COMMD1: variants seen among roughly 807,000 people sequenced by gnomAD.
The protein encoded by COMMD1 is COMM domain-containing protein 1.
Under a neutral mutation model 17.2 loss-of-function variants are expected in COMMD1, and 10 were observed. That is an observed-to-expected ratio of 0.58 (90% CI 0.36 to 0.99). COMMD1 has a LOEUF of 0.99. COMMD1 is among the 50% of genes least tolerant of loss of function. COMMD1 has a pLI of 0.01. For missense variants in COMMD1, 270 were observed against 231.8 expected (o/e 1.17, Z -1.07); for synonymous variants, 97 against 91.6 (o/e 1.06, Z -0.34).
intron 1 of COMMD1, among the ~76,000 whole-genome samples, chr2:62,000,343 G>A (rs571180078): frequency 6.6e-6 from 1 of 150,540 alleles, no homozygotes. Flanking sequence ...CGCAATTTTG[G>A]CTCACTGCAG....
intron 2 of COMMD1, among the ~76,000 whole-genome samples, chr2:62,078,585 G>A (rs145107415): frequency 3.0e-4 from 44 of 146,926 alleles, no homozygotes; most frequent in Non-Finnish European, 4.9e-4. Flanking sequence ...AAAAAATGGT[G>A]GGGCCAGGCA....
At chr2:61,889,584 A>G (rs1027108918) in intron 1 of COMMD1, among the ~76,000 whole-genome samples, 1 of 151,970 alleles carries the variant, frequency 6.6e-6, no homozygotes, top group Non-Finnish European at 1.5e-5. Flanking sequence ...TCTCTAAGGG[A>G]TATGACTGAG....
At chr2:62,104,057 T>C (rs1388300824) in intron 2 of COMMD1, among the ~76,000 whole-genome samples, 1 of 152,050 alleles carries the variant, frequency 6.6e-6, no homozygotes, top group Non-Finnish European at 1.5e-5. Context: ...CCCAGGCTGG[T>C]CTTGTACTCC....
intron 2 of COMMD1, among the ~76,000 whole-genome samples, chr2:62,036,790 A>G (rs1476281227): frequency 1.3e-5 from 2 of 152,372 alleles, no homozygotes; most frequent in Non-Finnish European, 1.5e-5. Flanking sequence ...ATTTTCAAAG[A>G]TAAACTAAAA....
chr2:61,945,652 C>G (rs1283342203), intron 1 of COMMD1, among the ~76,000 whole-genome samples: 2 of 152,114 alleles, frequency 1.3e-5, no homozygotes, highest in East Asian at 3.9e-4. Flanking sequence ...TGACATGTGC[C>G]CAGGGTGGTC....
intron 2 of COMMD1, among the ~76,000 whole-genome samples, chr2:62,129,867 G>A (rs2104097737): frequency 6.6e-6 from 1 of 152,318 alleles, no homozygotes; most frequent in South Asian, 2.1e-4. Context: ...TATGGCCAAA[G>A]TTTGTGCTCA....
intron 2 of COMMD1, among the ~76,000 whole-genome samples, chr2:62,053,707 G>A (rs961785003): frequency 1.3e-5 from 2 of 152,164 alleles, no homozygotes; most frequent in African/African-American, 4.8e-5. Flanking sequence ...ATACCACATT[G>A]ATGTCACACC....
At chr2:62,088,717 C>T (rs897326770) in intron 2 of COMMD1, among the ~76,000 whole-genome samples, 2 of 152,250 alleles carry the variant, frequency 1.3e-5, no homozygotes, top group East Asian at 1.9e-4. Context: ...TAATGATGTC[C>T]ACGAAAAGAG....
intron 1 of COMMD1, among the ~76,000 whole-genome samples, chr2:61,889,870 A>C (rs144766984): frequency 3.1e-3 from 471 of 152,318 alleles, no homozygotes; most frequent in African/African-American, 0.01. Context: ...TGCTAAGCAC[A>C]GTGCTAAACC....
upstream of COMMD1, chr2:61,905,652 T>G (rs1440058192): frequency 2.6e-6 from 4 of 1,523,124 alleles, no homozygotes; most frequent in Non-Finnish European, 3.5e-6. Context: ...ACGGCTCAGC[T>G]GTTGCGGGGC....
At position 62,087,905 on chromosome 2, in the gene COMMD1, A is replaced by G. The variant is rs148229659; in HGVS notation, c.463-47926A>G. ...CTCAAAATTCATTAAAATGTAGTCTATACTCACTGTCTCTACTTTTTCACT... is the reference window on the plus strand; with the variant it reads ...CTCAAAATTCATTAAAATGTAGTCTGTACTCACTGTCTCTACTTTTTCACT... On this transcript the variant is annotated intron_variant, in intron 2 of 2. Transcript: ENST00000311832. Among the ~76,000 whole-genome samples, 22 of 152,316 alleles carry G rather than the reference A, an allele frequency of 1.4e-4. 1 individual carries two copies. Among genetic ancestry groups the G allele is most frequent in the Middle Eastern group, 6.8e-3 (2 of 292 alleles).
chr2:62,104,633 C>CAAA lies in COMMD1; in HGVS notation c.463-31179_463-31177dup, dbSNP rs35679940. Among the ~76,000 whole-genome samples the CAAA allele has an allele frequency of 1.6e-3, 123 of 76,620 alleles. 1 individual carries two copies. Among genetic ancestry groups the CAAA allele is most frequent in the African/African-American group, 5.2e-3 (102 of 19,596 alleles). 50.3% of individuals were successfully genotyped at this position (76,620 alleles called of 152,430 possible). On this transcript the variant is annotated intron_variant, in intron 2 of 2. Coordinates refer to ENST00000311832, the MANE Select transcript of COMMD1 (RefSeq NM_152516.4). ...TGGGCAACAGAGTGAGACTCCGTCTCAAAAAAAAAAAAAAAAAAAAACAAT... is the reference window on the plus strand; with the variant it reads ...TGGGCAACAGAGTGAGACTCCGTCTCAAAAAAAAAAAAAAAAAAAAAAAACAAT...
At chr2:62,126,855 C>A (rs1488678629) in intron 2 of COMMD1, among the ~76,000 whole-genome samples, 1 of 152,142 alleles carries the variant, frequency 6.6e-6, no homozygotes, top group African/African-American at 2.4e-5. Context: ...TCCTATTCAA[C>A]ATAGTATTGA....
At position 61,928,479 on chromosome 2, in the gene COMMD1, C is replaced by G. The variant is rs922581569; in HGVS notation, c.180+22621C>G. On this transcript the variant is annotated intron_variant, in intron 1 of 2. Transcript: ENST00000311832. ...CCCGGCCCAGGGAGCTATTTAATAT[C>G]TATTTTCAGTATCCTAAAGAGCTAA... 2.0e-5 allele frequency among the ~76,000 whole-genome samples: 3 copies of G among 152,128 alleles called. No homozygotes were observed. In the South Asian group the frequency reaches 6.2e-4, roughly 32 times the overall value.
upstream of COMMD1, among the ~76,000 whole-genome samples, chr2:61,904,807 A>T (rs1312606072): frequency 6.6e-6 from 1 of 152,172 alleles, no homozygotes; most frequent in Non-Finnish European, 1.5e-5. Flanking sequence ...TCATGCCCCA[A>T]AGAAACTCTG....
intron 2 of COMMD1, among the ~76,000 whole-genome samples, chr2:62,059,211 A>C (rs1356376242): frequency 1.3e-5 from 2 of 151,984 alleles, no homozygotes; most frequent in Non-Finnish European, 2.9e-5. Flanking sequence ...ACAGGAGTGC[A>C]GTAGTGTGAT....
chr2:61,919,520 C>T (rs1330337864), intron 1 of COMMD1, among the ~76,000 whole-genome samples: 3 of 150,600 alleles, frequency 2.0e-5, no homozygotes, highest in Non-Finnish European at 4.4e-5. Context: ...CAGGGTTTTG[C>T]CATGTCGATC....
At chr2:61,975,506 G>C (rs1671777299) in intron 1 of COMMD1, among the ~76,000 whole-genome samples, 1 of 152,070 alleles carries the variant, frequency 6.6e-6, no homozygotes, top group African/African-American at 2.4e-5. Flanking sequence ...GAGAGTTCCA[G>C]TTGTTCCACA....
At chr2:62,120,005 TATTTC>T (rs1244013237) in intron 2 of COMMD1, among the ~76,000 whole-genome samples, 1 of 152,170 alleles carries the variant, frequency 6.6e-6, no homozygotes, top group Admixed American at 6.5e-5. Context: ...TTTCTTTTTT[TATTTC>T]ATTTCGAGAC....
Sources: allele counts gnomAD v4.1 joint callset (sites outside exome capture counted in the v4.1 genomes callset), GRCh38; gene constraint gnomAD v4.1.1; transcripts MANE v1.5; gene names NCBI Gene and HGNC (gene_info 2026-07-23, HGNC 2026-07-21).